HELLS: variants seen among roughly 807,000 people sequenced by gnomAD.
The protein encoded by HELLS is lymphoid-specific helicase.
In HELLS, 32 loss-of-function variants were observed where a neutral mutation model predicts 120.0. The observed-to-expected ratio is 0.27, with a 90% CI of 0.20 to 0.36. The LOEUF is 0.36. HELLS is among the 10% of genes least tolerant of loss of function. The probability of loss-of-function intolerance (pLI) is 1.00; values close to 1 mark genes in which losing one functional copy is unlikely to be tolerated. For missense variants in HELLS, 650 were observed against 993.4 expected, an observed-to-expected ratio of 0.65 and a Z score of 4.65; for synonymous variants, 341 against 323.4, an observed-to-expected ratio of 1.05 and a Z score of -0.58.
intron 12 of HELLS, among the ~76,000 whole-genome samples, chr10:94,586,963 G>A (rs954950774): frequency 6.6e-6 from 1 of 151,994 alleles, no homozygotes; most frequent in African/African-American, 2.4e-5. Flanking sequence ...CCAAACTGCT[G>A]GGATTACAGG....
intron 1 of HELLS, among the ~76,000 whole-genome samples, 189 bp from the exon 2 acceptor site, chr10:94,546,188 A>C (rs1176886367): frequency 6.6e-6 from 1 of 152,046 alleles, no homozygotes; most frequent in Admixed American, 6.6e-5. Context: ...CGAGTTGTAA[A>C]CTGTGGTCCA....
At chr10:94,587,416 G>A (rs1259033896) in intron 12 of HELLS, among the ~76,000 whole-genome samples, 1 of 152,168 alleles carries the variant, frequency 6.6e-6, no homozygotes, top group East Asian at 1.9e-4. Context: ...AAATGATCCA[G>A]TTATACACTT....
chr10:94,587,185 C>T (rs989518934), intron 12 of HELLS, among the ~76,000 whole-genome samples: 1 of 152,108 alleles, frequency 6.6e-6, no homozygotes, highest in African/African-American at 2.4e-5. Context: ...ACTTGTATGT[C>T]TGCATCCCTA....
chr10:94,567,384 C>T lies in HELLS; in HGVS notation c.436-4004C>T, dbSNP rs553672029. Among the ~76,000 whole-genome samples, 182 of 152,190 alleles carry T rather than the reference C, an allele frequency of 1.2e-3. 1 individual carries two copies. The South Asian group carries it at 0.035, about 30-fold the overall frequency. On this transcript the variant is annotated intron_variant, in intron 6 of 21. Transcript: ENST00000348459. The stretch of plus-strand genomic sequence containing the variant: ...CGCCATCTCGGCTCATTGCAACCTC[C>T]GGCTCCCAGGTTCAAGCGATTCTCC...
At chr10:94,558,255 A>T in intron 4 of HELLS, 60 bp downstream of exon 4, 4 of 1,495,672 alleles carry the variant, frequency 2.7e-6, no homozygotes, top group Non-Finnish European at 3.6e-6. Flanking sequence ...ATACTTTTGT[A>T]TTCTTCTGAC....
rs1000822493 is a variant in HELLS at position 94,572,010 on chromosome 10, T to C, written c.477+581T>C. 2.0e-4 allele frequency among the ~76,000 whole-genome samples: 30 copies of C among 152,196 alleles called. 1 individual carries two copies. Among genetic ancestry groups the C allele is most frequent in the Non-Finnish European group, 3.8e-4 (26 of 68,024 alleles). On this transcript the variant is annotated intron_variant, in intron 7 of 21. Coordinates refer to ENST00000348459, the MANE Select transcript of HELLS (RefSeq NM_018063.5). ...GGTAGTTAATTTACATATTAAAGAT[T>C]TTTAGGCCTTTGGGAAATTAATGTT... is the stretch of plus-strand genomic sequence containing the variant.
chr10:94,596,144 T>C (rs936691213), intron 19 of HELLS, among the ~76,000 whole-genome samples: 1 of 152,198 alleles, frequency 6.6e-6, no homozygotes, highest in Non-Finnish European at 1.5e-5. Flanking sequence ...TTTAGTAGAT[T>C]AATTTTGTAG....
At chr10:94,602,122 G>A (rs571625526), downstream of HELLS, 1 of 152,476 alleles carries the variant, frequency 6.6e-6, no homozygotes, top group Admixed American at 6.5e-5. Flanking sequence ...ATTTCTTCAG[G>A]AATAGCTTAG....
intron 6 of HELLS, among the ~76,000 whole-genome samples, chr10:94,563,766 A>G (rs947630282): frequency 6.6e-6 from 1 of 151,284 alleles, no homozygotes; most frequent in Non-Finnish European, 1.5e-5. Flanking sequence ...CTGAGAGTAC[A>G]AGTGTGAGCC....
chr10:94,566,418 C>T lies in HELLS; in HGVS notation c.435+3542C>T, dbSNP rs192950019. Among the ~76,000 whole-genome samples, 393 of 152,156 alleles carry T rather than the reference C, an allele frequency of 2.6e-3. 2 individuals carry two copies. Among genetic ancestry groups the T allele is most frequent in the Admixed American group, 2.8e-3 (43 of 15,276 alleles). On this transcript the variant is annotated intron_variant, in intron 6 of 21. Coordinates refer to ENST00000348459, the MANE Select transcript of HELLS (RefSeq NM_018063.5). The stretch of plus-strand genomic sequence containing the variant: ...AATATCCAGGGTCAAGAGAGACTGG[C>T]AGTTTCAAAAAACTTGAAGTAAATT...
At chr10:94,592,641 T>G (rs1845547887) in intron 17 of HELLS, 127 bp downstream of exon 17, 2 of 597,128 alleles carry the variant, frequency 3.3e-6, no homozygotes, top group Admixed American at 3.9e-5. Flanking sequence ...CCCTGTGGTT[T>G]TATCAAAAAC....
chr10:94,591,330 G>A (rs1845479283), intron 15 of HELLS, among the ~76,000 whole-genome samples: 1 of 152,132 alleles, frequency 6.6e-6, no homozygotes, highest in Non-Finnish European at 1.5e-5. Context: ...TCAACAGGTA[G>A]CCATAGAATA....
chr10:94,551,800 C>T (rs772478324), intron 2 of HELLS, among the ~76,000 whole-genome samples: 86 of 151,014 alleles, frequency 5.7e-4, no homozygotes, highest in Middle Eastern at 6.8e-3. Context: ...AGTGCAGTGG[C>T]GCGATCTCGG....
intron 3 of HELLS, among the ~76,000 whole-genome samples, chr10:94,556,883 G>A (rs555632914): frequency 6.6e-6 from 1 of 152,246 alleles, no homozygotes; most frequent in East Asian, 1.9e-4. Flanking sequence ...ATGTCTGTAA[G>A]CAATTTGACT....
intron 9 of HELLS, among the ~76,000 whole-genome samples, chr10:94,575,939 G>A (rs1434598954): frequency 6.6e-6 from 1 of 151,768 alleles, no homozygotes; most frequent in Non-Finnish European, 1.5e-5. Flanking sequence ...CTGGGATTAC[G>A]GGCGTGCGCC....
At position 94,580,117 on chromosome 10, in the gene HELLS, GTATATATATATATA is replaced by G. The variant is rs58984411; in HGVS notation, c.1033-1176_1033-1163del. ...TTTCTCTCACATACCCATTATAAAA[GTATATATATATATA>G]TATATATATATATATATATATATAT... On this transcript the variant is annotated intron_variant, in intron 10 of 21. Coordinates refer to ENST00000348459, the MANE Select transcript of HELLS (RefSeq NM_018063.5). 5.0e-3 allele frequency among the ~76,000 whole-genome samples: 325 copies of G among 65,462 alleles called. 1 individual carries two copies. The highest frequency in any genetic ancestry group is 0.012 in the African/African-American group (215 of 17,546). 42.9% of individuals were successfully genotyped at this position (65,462 alleles called of 152,430 possible). A position where few individuals can be genotyped will look rare whatever the true frequency, so the allele number is the denominator to read the frequency against.
chr10:94,555,642 T>C (rs952994936), intron 3 of HELLS, among the ~76,000 whole-genome samples: 13 of 152,134 alleles, frequency 8.5e-5, no homozygotes, highest in Non-Finnish European at 1.3e-4. Context: ...TTCTTTCTTT[T>C]TTTTGGAGAC....
At chr10:94,584,556 T>C (rs1029880673) in intron 12 of HELLS, among the ~76,000 whole-genome samples, 2 of 152,078 alleles carry the variant, frequency 1.3e-5, no homozygotes, top group Admixed American at 6.5e-5. Flanking sequence ...ATCCATATAG[T>C]GTAGCAAAGG....
intron 21 of HELLS, among the ~76,000 whole-genome samples, chr10:94,599,842 A>T (rs1845940233): frequency 6.6e-6 from 1 of 152,240 alleles, no homozygotes; most frequent in Admixed American, 6.5e-5. Flanking sequence ...ATGTTTATAT[A>T]AGGACAGAAT....
Sources: gnomAD v4.1 joint callset for allele counts (sites outside exome capture counted in the v4.1 genomes callset) on GRCh38, gnomAD v4.1.1 for gene constraint, MANE v1.5 for transcripts, NCBI Gene and HGNC (gene_info 2026-07-23, HGNC 2026-07-21) for gene names.